Variants in KDM2B observed in about 807,000 individuals in gnomAD.
KDM2B encodes the protein lysine-specific demethylase 2B.
In KDM2B, 26 loss-of-function variants were observed where a neutral mutation model predicts 150.0. The observed-to-expected ratio is 0.17, with a 90% CI of 0.13 to 0.24. KDM2B has a LOEUF of 0.24. Among genes scored for constraint, KDM2B ranks in the 10% least tolerant of loss-of-function variants. The pLI is 1.00. For missense variants in KDM2B, 1,265 were observed against 1,816.9 expected, an observed-to-expected ratio of 0.70 and a Z score of 5.52; for synonymous variants, 734 against 729.5, an observed-to-expected ratio of 1.01 and a Z score of -0.10.
intron 8 of KDM2B, among the ~76,000 whole-genome samples, chr12:121,526,342 G>C (rs917191563): frequency 6.6e-6 from 1 of 151,906 alleles, no homozygotes; most frequent in African/African-American, 2.4e-5. Flanking sequence ...GACAGAGCAA[G>C]ACTCTGCCTC....
intron 8 of KDM2B, among the ~76,000 whole-genome samples, chr12:121,523,287 C>A (rs79177261): frequency 6.6e-6 from 1 of 152,130 alleles, no homozygotes; most frequent in African/African-American, 2.4e-5. Flanking sequence ...AAAGGAGAAA[C>A]GCAGAGAGAA....
chr12:121,566,099 G>A (rs1450742347), intron 4 of KDM2B, among the ~76,000 whole-genome samples: 2 of 152,000 alleles, frequency 1.3e-5, no homozygotes, highest in African/African-American at 2.4e-5. Flanking sequence ...TGAGAAAAAC[G>A]TGAAAATCTT....
At chr12:121,486,712 G>A (rs2140179181) in intron 12 of KDM2B, among the ~76,000 whole-genome samples, 1 of 152,190 alleles carries the variant, frequency 6.6e-6, no homozygotes, top group South Asian at 2.1e-4. Flanking sequence ...CCTGAGCCCA[G>A]GAGGCGGAGG....
intron 4 of KDM2B, among the ~76,000 whole-genome samples, chr12:121,571,022 A>G (rs547937013): frequency 6.6e-6 from 1 of 152,358 alleles, no homozygotes; most frequent in South Asian, 2.1e-4. Flanking sequence ...AGAGTGAAGT[A>G]CTGCCTCATG....
rs573140770 is a variant in KDM2B, at chr12:121,557,277, C to G, written c.398-7639G>C. 1.4e-3 allele frequency among the ~76,000 whole-genome samples: 195 copies of G among 142,928 alleles called. 1 individual carries two copies. Among genetic ancestry groups the G allele is most frequent in the African/African-American group, 4.8e-3 (192 of 39,620 alleles). The allele number at this position is 142,928 out of a possible 152,430, so 93.8% of individuals were successfully genotyped here. ...TTTTGAGACAGAGTCTCACTCTGTT[C>G]CCCAGGATGGAGTTCAGTGGTACAA... On this transcript the variant is annotated intron_variant, in intron 4 of 22. Coordinates refer to ENST00000377071, the MANE Select transcript of KDM2B (RefSeq NM_032590.5).
chr12:121,469,080 AG>A (rs1363870726), intron 12 of KDM2B: 1 of 151,328 alleles, frequency 6.6e-6, no homozygotes, highest in Non-Finnish European at 1.5e-5. Context: ...TTTTTAGTAA[AG>A]AGGGGGGTCT....
At chr12:121,419,419 A>G in the KDM2B span, among the ~76,000 whole-genome samples, 13 of 152,236 alleles carry the variant, frequency 8.5e-5, no homozygotes, top group African/African-American at 1.9e-4. Flanking sequence ...CGTAAATTAG[A>G]TAAGTCCAAG....
At chr12:121,510,924 T>C (rs547640119) in intron 10 of KDM2B, among the ~76,000 whole-genome samples, 3 of 151,972 alleles carry the variant, frequency 2.0e-5, no homozygotes, top group South Asian at 4.2e-4. Context: ...AGAAAGTAGA[T>C]GAGTAGTTGC....
At chr12:121,561,587 G>A (rs540335494) in intron 4 of KDM2B, among the ~76,000 whole-genome samples, 2 of 152,072 alleles carry the variant, frequency 1.3e-5, no homozygotes, top group African/African-American at 2.4e-5. Context: ...CCTACCTGCC[G>A]CTCTGGCCTT....
rs562416304 is a variant in KDM2B, at chr12:121,474,980, C to T, written c.1734+19599G>A. ...CAAACAAACAGAAAACCAAAAATAC[C>T]TACCATAGTGTTACAGTTGCCTACA... On this transcript the variant is annotated intron_variant, in intron 12 of 22. Transcript: ENST00000377071. Among the ~76,000 whole-genome samples the T allele has an allele frequency of 5.3e-5, 8 of 152,050 alleles. No homozygotes were observed. In the South Asian group the frequency reaches 8.3e-4, roughly 16 times the overall value.
chr12:121,454,363 C>T (rs1016691391), intron 12 of KDM2B, among the ~76,000 whole-genome samples: 12 of 152,190 alleles, frequency 7.9e-5, no homozygotes, highest in Non-Finnish European at 1.6e-4. Context: ...TCCAAATGCT[C>T]CCTTCCCTGG....
At chr12:121,421,050 C>T in the KDM2B span, among the ~76,000 whole-genome samples, 1 of 152,040 alleles carries the variant, frequency 6.6e-6, no homozygotes, top group Admixed American at 6.6e-5. Flanking sequence ...TTTGTTACAA[C>T]CCTAATTAAA....
the KDM2B span, chr12:121,420,027 C>A: frequency 2.1e-6 from 1 of 469,566 alleles, no homozygotes; most frequent in Non-Finnish European, 3.9e-6. Flanking sequence ...TACACACACA[C>A]AGGAATTTGT....
intron 10 of KDM2B, among the ~76,000 whole-genome samples, chr12:121,510,317 C>T (rs1885471366): frequency 6.6e-6 from 1 of 152,140 alleles, no homozygotes; most frequent in South Asian, 2.1e-4. Flanking sequence ...GCTCAGTTGC[C>T]GAGGCTGGAC....
chr12:121,430,597 A>G lies in KDM2B; in HGVS notation c.3830-128T>C, dbSNP rs1405637129. 3 of 675,696 alleles carry G rather than the reference A, an allele frequency of 4.4e-6. No individual in the cohort carries two copies. The highest frequency in any genetic ancestry group is 7.9e-6 in the Non-Finnish European group (3 of 379,538). The allele number at this position is 675,696 out of a possible 1,614,324, so 41.9% of individuals were successfully genotyped here. A position where few individuals can be genotyped will look rare whatever the true frequency, so the allele number is the denominator to read the frequency against. On this transcript the variant is annotated intron_variant, in intron 22 of 22. Coordinates refer to ENST00000377071, the MANE Select transcript of KDM2B (RefSeq NM_032590.5). The surrounding 1 kb of genome is among the most constrained non-coding windows in gnomAD (Gnocchi z 4.4). ...CATATTCCAGTCCCTGCTGTGCTGC[A>G]CTAAATAAAATGTTATTTGCTTAAA...
rs782725639 is a variant in KDM2B at position 121,443,394 on chromosome 12, G to A, written c.2565+286C>T. On this transcript the variant is annotated intron_variant, in intron 17 of 22. Transcript: ENST00000377071. ...ATGGCTAGAGCTGGGAGAGACTCCT[G>A]GCGCCACCTTGTGGCTGGTGACAGC... 7.5e-4 allele frequency: 436 copies of A among 579,016 alleles called. 1 individual carries two copies. The highest frequency in any genetic ancestry group is 9.9e-4 in the Admixed American group (32 of 32,260). The allele number at this position is 579,016 out of a possible 1,614,324, so 35.9% of individuals were successfully genotyped here.
At chr12:121,496,843 C>A (rs539741988) in intron 11 of KDM2B, among the ~76,000 whole-genome samples, 32 of 149,780 alleles carry the variant, frequency 2.1e-4, no homozygotes, top group African/African-American at 6.7e-4. Flanking sequence ...TGTGAGCCCC[C>A]CAAAGTGCTG....
At chr12:121,578,665 G>C in intron 2 of KDM2B, 137 bp downstream of exon 2, 1 of 162,002 alleles carries the variant, frequency 6.2e-6, no homozygotes, top group Non-Finnish European at 1.3e-5. Flanking sequence ...CCCCCCCAGT[G>C]CTCGGCCTCG....
At chr12:121,460,060 A>G (rs1178247965) in intron 12 of KDM2B, among the ~76,000 whole-genome samples, 1 of 152,232 alleles carries the variant, frequency 6.6e-6, no homozygotes, top group Non-Finnish European at 1.5e-5. Flanking sequence ...CAGTAAGCAC[A>G]TGAAAAGATG....
Sources: allele counts gnomAD v4.1 joint callset (sites outside exome capture counted in the v4.1 genomes callset), GRCh38; gene constraint gnomAD v4.1.1; non-coding constraint Gnocchi (gnomAD v3.1); transcripts MANE v1.5; gene names NCBI Gene and HGNC (gene_info 2026-07-23, HGNC 2026-07-21).